Variants in RAPGEF4 observed in about 807,000 individuals in gnomAD.
RAPGEF4 encodes the protein RAP guanine-nucleotide-exchange factor (GEF) 4.
A neutral mutation model predicts 147.9 loss-of-function variants in RAPGEF4; 66 were observed. The observed-to-expected ratio is 0.45, with a 90% CI of 0.37 to 0.55. The LOEUF (loss-of-function observed/expected upper bound fraction) is 0.55, where lower values mean the gene tolerates loss of function less well. Ranked by LOEUF, RAPGEF4 falls within the 20% of genes least tolerant of loss-of-function variation. The probability of loss-of-function intolerance (pLI) is 0.00; values close to 1 mark genes in which losing one functional copy is unlikely to be tolerated. For missense variants in RAPGEF4, 1,071 were observed against 1,257.3 expected, an observed-to-expected ratio of 0.85 and a Z score of 2.24; for synonymous variants, 419 against 442.7, an observed-to-expected ratio of 0.95 and a Z score of 0.67.
intron 6 of RAPGEF4, among the ~76,000 whole-genome samples, chr2:172,951,492 G>A (rs575808536): frequency 1.3e-5 from 2 of 152,302 alleles, no homozygotes; most frequent in African/African-American, 4.8e-5. Context: ...GGTAAGAAAC[G>A]AACATGAATA....
intron 3 of RAPGEF4, among the ~76,000 whole-genome samples, chr2:172,808,293 G>A (rs568993605): frequency 1.3e-5 from 2 of 152,304 alleles, no homozygotes; most frequent in African/African-American, 4.8e-5. Flanking sequence ...GATAAATTAA[G>A]AGGTGATTAG....
intron 4 of RAPGEF4, among the ~76,000 whole-genome samples, chr2:172,875,755 T>A (rs942419549): frequency 5.3e-5 from 8 of 151,438 alleles, no homozygotes; most frequent in Non-Finnish European, 1.0e-4. Flanking sequence ...TGATATGAAC[T>A]TTAGTTTTTT....
intron 29 of RAPGEF4, among the ~76,000 whole-genome samples, chr2:173,044,008 G>C (rs1007053517): frequency 6.6e-6 from 1 of 152,202 alleles, no homozygotes; most frequent in Non-Finnish European, 1.5e-5. Flanking sequence ...AGCTGACAAT[G>C]AAAGACAGCA....
intron 19 of RAPGEF4, 97 bp downstream of exon 19, chr2:173,016,534 C>T (rs1695525452): frequency 3.0e-6 from 3 of 983,750 alleles, no homozygotes; most frequent in African/African-American, 1.6e-5. Flanking sequence ...TTTCCATAGC[C>T]ATGCCCCGCT....
intron 3 of RAPGEF4, among the ~76,000 whole-genome samples, chr2:172,801,468 G>A (rs1264875373): frequency 1.3e-5 from 2 of 152,154 alleles, no homozygotes. Flanking sequence ...ACCCTCAGTG[G>A]GGTGTGAGCC....
intron 4 of RAPGEF4, chr2:172,821,737 TAAAAAAAAA>T (rs35414922): frequency 1.6e-4 from 134 of 820,042 alleles, no homozygotes; most frequent in East Asian, 1.0e-3. Flanking sequence ...TAACTAAAGT[TAAAAAAAAA>T]AAAAAAAAAA....
At chr2:172,829,972 T>A (rs1261331424) in intron 4 of RAPGEF4, among the ~76,000 whole-genome samples, 1 of 151,824 alleles carries the variant, frequency 6.6e-6, no homozygotes, top group Non-Finnish European at 1.5e-5. Context: ...TCCATATATA[T>A]TCCATATATA....
chr2:172,949,611 A>G (rs1313335260), intron 6 of RAPGEF4, among the ~76,000 whole-genome samples: 1 of 152,206 alleles, frequency 6.6e-6, no homozygotes. Flanking sequence ...AGCTTCTCAG[A>G]TTGTTTCAGT....
intron 1 of RAPGEF4, among the ~76,000 whole-genome samples, chr2:172,767,252 C>T (rs998902598): frequency 1.9e-4 from 29 of 150,532 alleles, no homozygotes; most frequent in Admixed American, 1.1e-3. Context: ...GATCTTGGCT[C>T]ACCACAACCT....
chr2:172,817,036 G>A (rs16860905), intron 4 of RAPGEF4, among the ~76,000 whole-genome samples: 17,415 of 152,144 alleles, frequency 0.11, 1,041 homozygotes, highest in South Asian at 0.18. Context: ...ATCCTAAAAA[G>A]TTACACAATT....
chr2:172,956,667 T>C (rs1203130507), intron 6 of RAPGEF4, among the ~76,000 whole-genome samples: 1 of 152,136 alleles, frequency 6.6e-6, no homozygotes, highest in Non-Finnish European at 1.5e-5. Context: ...AGACGGGGTT[T>C]CACCGTGTTA....
chr2:172,741,572 A>G (rs994880235), intron 1 of RAPGEF4, among the ~76,000 whole-genome samples: 2 of 152,186 alleles, frequency 1.3e-5, no homozygotes, highest in African/African-American at 2.4e-5. Flanking sequence ...CTTCCTCCTT[A>G]AATCCTCACC....
intron 10 of RAPGEF4, among the ~76,000 whole-genome samples, chr2:172,982,166 C>A (rs909252923): frequency 3.9e-5 from 6 of 152,138 alleles, no homozygotes; most frequent in Non-Finnish European, 7.4e-5. Context: ...GTTTAGTACA[C>A]CAATACTCCT....
At chr2:172,968,624 C>T (rs562285230) in intron 10 of RAPGEF4, among the ~76,000 whole-genome samples, 112 of 152,320 alleles carry the variant, frequency 7.4e-4, no homozygotes, top group Non-Finnish European at 1.3e-3. Flanking sequence ...TAGAACCACA[C>T]TCTTCAGCTC....
intron 1 of RAPGEF4, among the ~76,000 whole-genome samples, chr2:172,746,950 AC>A (rs1286136696): frequency 6.6e-6 from 1 of 151,772 alleles, no homozygotes; most frequent in Non-Finnish European, 1.5e-5. Context: ...AGTTCAAGAA[AC>A]CCCCCCTTAA....
At chr2:172,891,890 T>C (rs1697958797) in intron 4 of RAPGEF4, among the ~76,000 whole-genome samples, 1 of 152,232 alleles carries the variant, frequency 6.6e-6, no homozygotes, top group African/African-American at 2.4e-5. Context: ...TAGGAATTCT[T>C]TTCCATTATC....
intron 4 of RAPGEF4, among the ~76,000 whole-genome samples, chr2:172,858,484 G>T (rs887741768): frequency 2.6e-5 from 4 of 152,162 alleles, no homozygotes; most frequent in Non-Finnish European, 5.9e-5. Flanking sequence ...CCCATAAAGA[G>T]CAGGGACTCA....
rs115737445 is a variant in RAPGEF4 at position 172,956,231 on chromosome 2, G to A, written c.538-4529G>A. On this transcript the variant is annotated intron_variant, in intron 6 of 30. Transcript: ENST00000397081. ...TCCTTCTCCCTCTGTCCCTTTGCTTGAGGGCCTCCTGCTTTGCCAATATTG... is the reference window on the plus strand; with the variant it reads ...TCCTTCTCCCTCTGTCCCTTTGCTTAAGGGCCTCCTGCTTTGCCAATATTG... 7.5e-3 allele frequency among the ~76,000 whole-genome samples: 1,141 copies of A among 152,160 alleles called. 13 individuals carry two copies. The highest frequency in any genetic ancestry group is 0.025 in the African/African-American group (1,039 of 41,530).
intron 6 of RAPGEF4, among the ~76,000 whole-genome samples, chr2:172,950,906 C>T (rs1688147474): frequency 6.6e-6 from 1 of 152,166 alleles, no homozygotes; most frequent in Non-Finnish European, 1.5e-5. Flanking sequence ...GTTATGGATC[C>T]ATAGGGTTCT....
Sources: gnomAD v4.1 joint callset for allele counts (sites outside exome capture counted in the v4.1 genomes callset) on GRCh38, gnomAD v4.1.1 for gene constraint, MANE v1.5 for transcripts, NCBI Gene and HGNC (gene_info 2026-07-23, HGNC 2026-07-21) for gene names.